XIRP2: variants seen among roughly 807,000 people sequenced by gnomAD.
The protein encoded by XIRP2 is xin actin binding repeat containing 2, also known as xin actin-binding repeat-containing protein 2.
In XIRP2, 236 loss-of-function variants were observed where a neutral mutation model predicts 277.0. That is an observed-to-expected ratio of 0.85 (90% CI 0.77 to 0.95). The LOEUF is 0.95. Among genes scored for constraint, XIRP2 ranks in the 40% least tolerant of loss-of-function variants. The probability of loss-of-function intolerance (pLI) is 0.00; values close to 1 mark genes in which losing one functional copy is unlikely to be tolerated. For synonymous variants in XIRP2, 1,490 were observed against 1,416.5 expected (o/e 1.05, Z -1.17); for missense variants, 4,640 against 4,157.5 (o/e 1.12, Z -3.19).
At chr2:167,149,955 C>T (rs1691964633) in intron 3 of XIRP2, among the ~76,000 whole-genome samples, 1 of 151,644 alleles carries the variant, frequency 6.6e-6, no homozygotes, top group Admixed American at 6.6e-5. Context: ...AGTATACAAA[C>T]AACAAAAAAA....
chr2:167,176,544 T>C (rs1692852628), intron 3 of XIRP2, among the ~76,000 whole-genome samples: 1 of 152,190 alleles, frequency 6.6e-6, no homozygotes, highest in Non-Finnish European at 1.5e-5. Flanking sequence ...GTGTTTTCTT[T>C]TATGGTAGGT....
intron 2 of XIRP2, among the ~76,000 whole-genome samples, chr2:167,098,787 T>C (rs932718235): frequency 6.6e-5 from 10 of 152,246 alleles, no homozygotes; most frequent in African/African-American, 2.4e-4. Context: ...GTTTTCCTTC[T>C]AACAGTCAGG....
At chr2:167,091,104 T>C (rs555338242) in intron 2 of XIRP2, among the ~76,000 whole-genome samples, 1 of 152,308 alleles carries the variant, frequency 6.6e-6, no homozygotes, top group Non-Finnish European at 1.5e-5. Flanking sequence ...TTCTTATTGT[T>C]ACTTCTTTGA....
chr2:167,038,703 T>A (rs1296461964), intron 2 of XIRP2, among the ~76,000 whole-genome samples: 1 of 152,022 alleles, frequency 6.6e-6, no homozygotes, highest in African/African-American at 2.4e-5. Context: ...TTTATACTAA[T>A]GTCCTGAAAT....
chr2:166,964,170 G>A (rs924406254), intron 2 of XIRP2, among the ~76,000 whole-genome samples: 1 of 151,724 alleles, frequency 6.6e-6, no homozygotes, highest in Non-Finnish European at 1.5e-5. Flanking sequence ...ATGAGTATAT[G>A]GATAAAATTA....
intron 2 of XIRP2, among the ~76,000 whole-genome samples, chr2:167,056,781 T>G (rs549362604): frequency 2.4e-3 from 358 of 152,306 alleles, no homozygotes; most frequent in Non-Finnish European, 4.2e-3. Context: ...ATATTCTTAA[T>G]GCAGATGTCT....
chr2:166,975,384 C>T (rs1686683092), intron 2 of XIRP2, among the ~76,000 whole-genome samples: 1 of 151,988 alleles, frequency 6.6e-6, no homozygotes, highest in Non-Finnish European at 1.5e-5. Context: ...CTAAGATATA[C>T]CATATAGTGG....
chr2:167,257,207 G>A (rs16853337), intron 10 of XIRP2, among the ~76,000 whole-genome samples: 22,298 of 151,788 alleles, frequency 0.15, 1,956 homozygotes, highest in African/African-American at 0.25. Context: ...TGTGACTGTT[G>A]GTGGTTTCTC....
At position 167,259,350 on chromosome 2, in the gene XIRP2, G is replaced by A. The variant is rs773683773; in HGVS notation, c.*1533G>A. 1 of 1,603,628 alleles carries A rather than the reference G, an allele frequency of 6.2e-7. No homozygotes were observed. Among genetic ancestry groups the A allele is most frequent in the Non-Finnish European group, 8.5e-7 (1 of 1,176,026 alleles). ...CAGATTAAAAGAAACAGGTGCTACA[G>A]TGACACTGAGTAAAATATCTATGGC... On this transcript the variant is annotated 3_prime_UTR_variant, in exon 11 of 11. Coordinates refer to ENST00000409195, the MANE Select transcript of XIRP2 (RefSeq NM_152381.6).
intron 2 of XIRP2, among the ~76,000 whole-genome samples, chr2:166,977,449 G>C (rs1260924392): frequency 1.3e-5 from 2 of 152,072 alleles, no homozygotes; most frequent in African/African-American, 4.8e-5. Flanking sequence ...AAATTTGGAA[G>C]ATATTTATAG....
At chr2:167,114,104 T>C (rs1558984641) in intron 2 of XIRP2, among the ~76,000 whole-genome samples, 1 of 152,204 alleles carries the variant, frequency 6.6e-6, no homozygotes, top group Non-Finnish European at 1.5e-5. Flanking sequence ...ATTAAGTGCC[T>C]GGGGAATGGT....
chr2:167,130,287 C>A (rs181911484), intron 2 of XIRP2, among the ~76,000 whole-genome samples: 3 of 152,176 alleles, frequency 2.0e-5, no homozygotes, highest in Non-Finnish European at 4.4e-5. Flanking sequence ...TCCCCACCAA[C>A]CACCAACCAT....
At chr2:166,910,406 G>A (rs926553741) in intron 2 of XIRP2, among the ~76,000 whole-genome samples, 5 of 152,192 alleles carry the variant, frequency 3.3e-5, no homozygotes, top group African/African-American at 1.2e-4. Flanking sequence ...GCATAGAGGT[G>A]TTTATAGTAT....
intron 3 of XIRP2, among the ~76,000 whole-genome samples, chr2:167,194,733 T>C (rs1030310917): frequency 6.6e-6 from 1 of 152,150 alleles, no homozygotes; most frequent in African/African-American, 2.4e-5. Context: ...TACCTACTGA[T>C]TGACCTTGGG....
chr2:167,031,772 AACTAGAAACC>A (rs1273874038), intron 2 of XIRP2, among the ~76,000 whole-genome samples: 1 of 152,100 alleles, frequency 6.6e-6, no homozygotes, highest in African/African-American at 2.4e-5. Context: ...CTTCCAGGAG[AACTAGAAACC>A]ACTGCTCAAT....
At chr2:167,185,777 T>A (rs1247039213) in intron 3 of XIRP2, among the ~76,000 whole-genome samples, 1 of 152,170 alleles carries the variant, frequency 6.6e-6, no homozygotes, top group Non-Finnish European at 1.5e-5. Context: ...ATTTTCTATG[T>A]AAATGTTATG....
At chr2:167,082,746 G>C (rs1371710641) in intron 2 of XIRP2, among the ~76,000 whole-genome samples, 1 of 152,160 alleles carries the variant, frequency 6.6e-6, no homozygotes, top group East Asian at 1.9e-4. Context: ...GTCTTCTTTT[G>C]AGAAGTGTCT....
intron 2 of XIRP2, among the ~76,000 whole-genome samples, chr2:167,103,588 C>A (rs551474832): frequency 7.2e-5 from 11 of 152,294 alleles, no homozygotes; most frequent in African/African-American, 2.6e-4. Flanking sequence ...TGCGGCAATG[C>A]TCTAGGCTAC....
chr2:167,019,807 T>C (rs999676001), intron 2 of XIRP2, among the ~76,000 whole-genome samples: 6 of 152,070 alleles, frequency 3.9e-5, no homozygotes, highest in African/African-American at 1.4e-4. Flanking sequence ...TATAAATTCC[T>C]CAAGTTGTTA....
Sources: gnomAD v4.1 joint callset for allele counts (sites outside exome capture counted in the v4.1 genomes callset) on GRCh38, gnomAD v4.1.1 for gene constraint, MANE v1.5 for transcripts, NCBI Gene and HGNC (gene_info 2026-07-23, HGNC 2026-07-21) for gene names.